LSP1: variants seen among roughly 807,000 people sequenced by gnomAD.
LSP1 encodes lymphocyte-specific protein 1.
Under a neutral mutation model 49.3 loss-of-function variants are expected in LSP1, and 32 were observed. The ratio of observed to expected loss-of-function variants is 0.65; its 90% CI spans 0.49 to 0.87. LSP1 has a LOEUF of 0.87. Ranked by LOEUF, LSP1 falls within the 40% of genes least tolerant of loss-of-function variation. The pLI is 0.00. For missense variants in LSP1, 428 were observed against 442.6 expected, an observed-to-expected ratio of 0.97 and a Z score of 0.30; for synonymous variants, 179 against 178.8, an observed-to-expected ratio of 1.00 and a Z score of -0.01.
chr11:1,884,538 C>G lies in LSP1; in HGVS notation c.674C>G (p.Ser225Cys). Residue 225 changes from serine (S) to cysteine (C), a missense_variant, in exon 7 of 11, where the codon TCC (serine) becomes TGC (cysteine). Transcript: ENST00000311604. This position sits in a 1 kb window ranked among gnomAD's most constrained non-coding sequence, Gnocchi z 4.1. ...AAATCCCAGCCAGACTTGCCCATCTCCAAGATTGATCAGTGGCTGGAACAA... is the reference window on the plus strand; with the variant it reads ...AAATCCCAGCCAGACTTGCCCATCTGCAAGATTGATCAGTGGCTGGAACAA... ...VKKSQPDLPI[S>C]KIDQWLEQYT... is the part of the protein sequence containing the mutation. 1 of 1,613,896 alleles carries G rather than the reference C, an allele frequency of 6.2e-7. No homozygotes were observed. The highest frequency in any genetic ancestry group is 1.1e-5 in the South Asian group (1 of 91,074).
intron 1 of LSP1, among the ~76,000 whole-genome samples, chr11:1,875,200 C>A (rs1424988563): frequency 6.6e-6 from 1 of 152,174 alleles, no homozygotes; most frequent in Non-Finnish European, 1.5e-5. Flanking sequence ...GCCCTCCCCC[C>A]CATCAACCCG....
rs1589829849 is a variant in LSP1, at chr11:1,883,949, G to A, written c.516G>A (p.Gln172=). The part of the protein sequence containing the change: ...EEQEEHQKCQ[Q]PRTPSPLVLE... ...TTTTCTAGCACCAGAAATGTCAGCAGCCCAGGACACCCAGCCCCTTGGTCT... is the reference window on the plus strand; with the variant it reads ...TTTTCTAGCACCAGAAATGTCAGCAACCCAGGACACCCAGCCCCTTGGTCT... Residue 172 remains glutamine (Q), a synonymous_variant, in exon 5 of 11, where the codon CAG becomes CAA. Transcript: ENST00000311604. 1.2e-6 allele frequency: 2 copies of A among 1,609,898 alleles called. No individual in the cohort carries two copies. Among genetic ancestry groups the A allele is most frequent in the African/African-American group, 1.3e-5 (1 of 74,598 alleles).
intron 1 of LSP1, among the ~76,000 whole-genome samples, chr11:1,875,440 A>G (rs1848268762): frequency 6.6e-6 from 1 of 152,202 alleles, no homozygotes; most frequent in African/African-American, 2.4e-5. Flanking sequence ...CCAGCTGCAC[A>G]GAGCCACTCC....
At chr11:1,878,970 G>T (rs1211619547) in intron 1 of LSP1, among the ~76,000 whole-genome samples, 1 of 152,144 alleles carries the variant, frequency 6.6e-6, no homozygotes, top group Non-Finnish European at 1.5e-5. Flanking sequence ...TCCCTGAGGG[G>T]GGCGCGTGGG....
chr11:1,861,695 G>GTGGA (rs58820256), intron 1 of LSP1, among the ~76,000 whole-genome samples: 3,053 of 122,130 alleles, frequency 0.025, 53 homozygotes, highest in African/African-American at 0.077. Context: ...GGATGGGTGG[G>GTGGA]TGGATGGATG....
At chr11:1,867,052 T>C (rs1462514980) in intron 1 of LSP1, 3 of 845,860 alleles carry the variant, frequency 3.5e-6, no homozygotes, top group African/African-American at 3.4e-5. Context: ...GAGGAGGCAC[T>C]GAAGCCGCGT....
At chr11:1,858,045 C>T (rs537842443) in intron 1 of LSP1, among the ~76,000 whole-genome samples, 100 of 152,332 alleles carry the variant, frequency 6.6e-4, no homozygotes, top group African/African-American at 2.3e-3. Flanking sequence ...CATGAACCAC[C>T]GCGCCCTGCC....
At chr11:1,866,454 G>T in intron 1 of LSP1, 2 of 1,461,382 alleles carry the variant, frequency 1.4e-6, no homozygotes, top group Middle Eastern at 1.8e-4. Context: ...CCACTTGTTG[G>T]GTCCGTGCAG....
intron 1 of LSP1, chr11:1,866,440 G>C (rs1398198205): frequency 6.9e-7 from 1 of 1,452,356 alleles, no homozygotes. Flanking sequence ...CTCCTCCCCA[G>C]CTCCCACTTG....
chr11:1,889,833 G>T lies in LSP1; in HGVS notation c.*14-1940G>T, dbSNP rs759423455. 59 of 634,218 alleles carry T rather than the reference G, an allele frequency of 9.3e-5. No homozygotes were observed. The South Asian group carries it at 1.1e-3, about 11-fold the overall frequency. 39.3% of individuals were successfully genotyped at this position (634,218 alleles called of 1,614,324 possible). A position where few individuals can be genotyped will look rare whatever the true frequency, so the allele number is the denominator to read the frequency against. ...GGGCACTGAGGCCTGGAAGCCGGGT[G>T]GCGGCCGTGGTACAGGGGGCTCCTC... On this transcript the variant is annotated intron_variant, in intron 10 of 10. Coordinates refer to ENST00000311604, the MANE Select transcript of LSP1 (RefSeq NM_002339.3).
intron 1 of LSP1, among the ~76,000 whole-genome samples, chr11:1,878,545 G>A (rs72843956): frequency 0.13 from 20,303 of 152,100 alleles, 1,774 homozygotes; most frequent in Middle Eastern, 0.26. Flanking sequence ...CTTCGGTGGG[G>A]GGAGTGGGCC....
At chr11:1,889,225 G>A in intron 10 of LSP1, 1 of 675,926 alleles carries the variant, frequency 1.5e-6, no homozygotes, top group Non-Finnish European at 2.7e-6. Context: ...CGGACTGTGG[G>A]AGGGGGCCGG....
At chr11:1,890,526 G>A (rs1565092035) in intron 10 of LSP1, 2 of 715,756 alleles carry the variant, frequency 2.8e-6, no homozygotes, top group Non-Finnish European at 2.6e-6. Flanking sequence ...GGGTCCAGGG[G>A]TTCCCTGGAG....
chr11:1,882,362 T>C (rs1038711675), intron 3 of LSP1, among the ~76,000 whole-genome samples: 3 of 152,162 alleles, frequency 2.0e-5, no homozygotes, highest in Non-Finnish European at 2.9e-5. Flanking sequence ...GGGTCCTTCC[T>C]GGCCCCTCTG....
intron 1 of LSP1, among the ~76,000 whole-genome samples, chr11:1,878,887 G>A (rs1284532879): frequency 1.3e-5 from 2 of 152,092 alleles, no homozygotes; most frequent in Non-Finnish European, 2.9e-5. Context: ...GTGTCTGCAG[G>A]ACCTGGACCA....
chr11:1,867,051 C>G, intron 1 of LSP1: 1 of 883,500 alleles, frequency 1.1e-6, no homozygotes, highest in Non-Finnish European at 1.7e-6. Context: ...GGAGGAGGCA[C>G]TGAAGCCGCG....
At position 1,881,487 on chromosome 11, in the gene LSP1, G is replaced by T; in HGVS notation, c.247G>T (p.Asp83Tyr). Residue 83 changes from aspartate to tyrosine, a missense_variant, in exon 3 of 11, where the codon GAC (aspartate) becomes TAC (tyrosine). Physicochemically the swap from Asp to Tyr is radical, Grantham distance 160 (BLOSUM62 -3). Coordinates refer to ENST00000311604, the MANE Select transcript of LSP1 (RefSeq NM_002339.3). ...ACTGGATGAGGACGAGGGCTTTGGC[G>T]ACTGGTCCCAGAGGCCAGAGCAGCG... ...PELDEDEGFG[D>Y]WSQRPEQRQQ... is the part of the protein sequence containing the mutation. 4.4e-6 allele frequency: 7 copies of T among 1,578,734 alleles called. No individual in the cohort carries two copies. Among genetic ancestry groups the T allele is most frequent in the Non-Finnish European group, 6.0e-6 (7 of 1,161,720 alleles).
chr11:1,887,675 C>A, intron 10 of LSP1, 99 bp downstream of exon 10: 1 of 910,806 alleles, frequency 1.1e-6, no homozygotes, highest in South Asian at 1.5e-5. Context: ...CTGTTGCAGG[C>A]TACAAGGGTG....
chr11:1,880,015 G>T, intron 1 of LSP1, 72 bp from the exon 2 acceptor site: 3 of 1,583,616 alleles, frequency 1.9e-6, no homozygotes, highest in South Asian at 1.1e-5. Flanking sequence ...GGCCTGTGTA[G>T]ATGGGAGGAA....
Sources: allele counts gnomAD v4.1 joint callset (sites outside exome capture counted in the v4.1 genomes callset), GRCh38; gene constraint gnomAD v4.1.1; non-coding constraint Gnocchi (gnomAD v3.1); transcripts MANE v1.5; gene names NCBI Gene and HGNC (gene_info 2026-07-23, HGNC 2026-07-21).